Variants in RTTN observed in about 807,000 individuals in gnomAD.
RTTN encodes the protein rotatin.
RTTN carries 182 observed loss-of-function variants against 269.2 expected under a neutral mutation model. The observed-to-expected ratio is 0.68, with a 90% CI of 0.60 to 0.76. The LOEUF (loss-of-function observed/expected upper bound fraction) is 0.76, where lower values mean the gene tolerates loss of function less well. RTTN is among the 30% of genes least tolerant of loss of function. RTTN has a pLI of 0.00. For synonymous variants in RTTN, 1,006 were observed against 963.5 expected (o/e 1.04, Z -0.82); for missense variants, 2,545 against 2,608.6 (o/e 0.98, Z 0.53).
At chr18:70,169,119 AT>A in intron 11 of RTTN, 52 bp from the exon 12 acceptor site, 1 of 1,374,706 alleles carries the variant, frequency 7.3e-7, no homozygotes, top group Non-Finnish European at 9.8e-7. Flanking sequence ...AAAAAAACTT[AT>A]TTTAGAGAAA....
intron 32 of RTTN, 101 bp from the exon 33 acceptor site, chr18:70,075,642 T>A (rs1336973050): frequency 1.2e-6 from 1 of 851,720 alleles, no homozygotes; most frequent in Non-Finnish European, 1.7e-6. Context: ...GGGTCCCAGA[T>A]GCTCCCATCT....
Position 70,059,830 on chromosome 18 carries a change from T to C in RTTN, c.4940+20A>G. 1 of 1,527,732 alleles carries C rather than the reference T, an allele frequency of 6.5e-7. No individual in the cohort carries two copies. The highest frequency in any genetic ancestry group is 8.9e-7 in the Non-Finnish European group (1 of 1,126,466). The allele number at this position is 1,527,732 out of a possible 1,614,324, so 94.6% of individuals were successfully genotyped here. Reference sequence around the variant, plus strand: ...ATTTATCTCAACTAACATGCCTCTCTAGGAGTATTTATCTCTTACCTACAG... The same window carrying C: ...ATTTATCTCAACTAACATGCCTCTCCAGGAGTATTTATCTCTTACCTACAG... On this transcript the variant is annotated intron_variant, in intron 36 of 48. Coordinates refer to ENST00000640769, the MANE Select transcript of RTTN (RefSeq NM_173630.4).
intron 44 of RTTN, among the ~76,000 whole-genome samples, chr18:70,022,966 G>A (rs923481081): frequency 2.6e-5 from 4 of 152,096 alleles, no homozygotes; most frequent in Non-Finnish European, 5.9e-5. Flanking sequence ...ACATGACAAT[G>A]ACTCCTGTGG....
At chr18:70,071,523 T>C (rs2058295061) in intron 34 of RTTN, among the ~76,000 whole-genome samples, 2 of 152,064 alleles carry the variant, frequency 1.3e-5, no homozygotes, top group South Asian at 4.1e-4. Flanking sequence ...TAAACGTGAT[T>C]TCGAGAAGAA....
intron 40 of RTTN, among the ~76,000 whole-genome samples, chr18:70,041,930 C>A (rs976376633): frequency 2.6e-5 from 4 of 151,972 alleles, no homozygotes; most frequent in African/African-American, 7.3e-5. Context: ...TACAAAATAA[C>A]CCCCATTGGT....
intron 16 of RTTN, among the ~76,000 whole-genome samples, chr18:70,149,549 A>AG: frequency 6.6e-6 from 1 of 151,664 alleles, no homozygotes; most frequent in East Asian, 1.9e-4. Flanking sequence ...TTTAAAAAAA[A>AG]AAAAAAAAGC....
In RTTN at chr18:70,134,542, C is replaced by T. The variant is rs764126513; in HGVS notation, c.2886-1G>A. On this transcript the variant is annotated splice_acceptor_variant, in intron 22 of 48. Coordinates refer to ENST00000640769, the MANE Select transcript of RTTN (RefSeq NM_173630.4). LOFTEE classifies it high-confidence loss of function. The stretch of plus-strand genomic sequence containing the variant: ...AGGTTTATTGGAAGGATTAACAGAC[C>T]TATTTCATAAAAGAAAAACAAAAAC... 1.9e-6 allele frequency: 3 copies of T among 1,598,250 alleles called. No homozygotes were observed. In the South Asian group the frequency reaches 3.4e-5, roughly 18 times the overall value.
At chr18:70,085,741 C>G (rs1480397964) in intron 32 of RTTN, among the ~76,000 whole-genome samples, 1 of 152,056 alleles carries the variant, frequency 6.6e-6, no homozygotes, top group Non-Finnish European at 1.5e-5. Flanking sequence ...TCAAATATTG[C>G]GTGTTCTCAC....
Position 70,128,512 on chromosome 18 carries a change from C to T in RTTN, c.2989G>A (p.Ala997Thr). The T allele has an allele frequency of 6.2e-7, 1 of 1,612,996 alleles. No individual in the cohort carries two copies. The highest frequency in any genetic ancestry group is 1.1e-5 in the South Asian group (1 of 91,050). Residue 997 changes from alanine (A) to threonine (T), a missense_variant, in exon 24 of 49, where the codon GCT (alanine) becomes ACT (threonine). By Grantham distance (58) the Ala-to-Thr change is moderately conservative. Coordinates refer to ENST00000640769, the MANE Select transcript of RTTN (RefSeq NM_173630.4). Reference protein sequence around the residue: ...HLPVHVIGHHAVSPYSIVLPL... With the variant: ...HLPVHVIGHHTVSPYSIVLPL... ...AAAACTATGGAGTAAGGACTCACAG[C>T]ATGGTGTCCAATTACATGAACAGGT...
At chr18:70,159,334 T>A (rs903605313) in intron 14 of RTTN, among the ~76,000 whole-genome samples, 1 of 152,224 alleles carries the variant, frequency 6.6e-6, no homozygotes, top group Admixed American at 6.5e-5. Flanking sequence ...TGCACCTGAA[T>A]GACTTTTGAG....
At chr18:70,088,411 CCT>C in intron 30 of RTTN, among the ~76,000 whole-genome samples, 1 of 152,198 alleles carries the variant, frequency 6.6e-6, no homozygotes, top group East Asian at 1.9e-4. Context: ...AGTTTGCAAG[CCT>C]TTTTCTAAGG....
At chr18:70,156,301 C>T (rs187798936) in intron 14 of RTTN, among the ~76,000 whole-genome samples, 75 of 152,152 alleles carry the variant, frequency 4.9e-4, no homozygotes, top group Non-Finnish European at 8.7e-4. Context: ...CTTCTATGGT[C>T]GAGACTGTAG....
At chr18:70,133,728 G>A (rs533878840) in intron 23 of RTTN, among the ~76,000 whole-genome samples, 1 of 152,198 alleles carries the variant, frequency 6.6e-6, no homozygotes, top group East Asian at 1.9e-4. Flanking sequence ...TAATGAGAAA[G>A]CACAAAAAGG....
At chr18:70,088,692 C>T (rs2058764525) in intron 30 of RTTN, among the ~76,000 whole-genome samples, 1 of 152,164 alleles carries the variant, frequency 6.6e-6, no homozygotes, top group Non-Finnish European at 1.5e-5. Flanking sequence ...GTTCAAGCCA[C>T]ACGTTTTGGT....
Position 70,051,422 on chromosome 18 carries a change from G to A in RTTN, c.5312C>T (p.Thr1771Ile). 1 of 1,612,198 alleles carries A rather than the reference G, an allele frequency of 6.2e-7. No homozygotes were observed. The highest frequency in any genetic ancestry group is 8.5e-7 in the Non-Finnish European group (1 of 1,179,488). Residue 1771 changes from threonine to isoleucine, a missense_variant, in exon 39 of 49, where the codon ACA becomes ATA. Physicochemically the swap from Thr to Ile is moderately conservative, Grantham distance 89. Coordinates refer to ENST00000640769, the MANE Select transcript of RTTN (RefSeq NM_173630.4). ...FVTVALAKHW[T>I]AAIDMFCTCA... ...AAGTATCTTCTTACCAATCGCCGCT[G>A]TCCAGTGCTTGGCCAGGGCCACGGT...
At chr18:70,183,247 T>C (rs1278931563) in intron 10 of RTTN, among the ~76,000 whole-genome samples, 1 of 152,138 alleles carries the variant, frequency 6.6e-6, no homozygotes, top group Admixed American at 6.5e-5. Context: ...CTTTAGGAGA[T>C]GAAGATGCCT....
At chr18:70,169,146 T>A in intron 11 of RTTN, 79 bp from the exon 12 acceptor site, 1 of 1,000,504 alleles carries the variant, frequency 1.0e-6, no homozygotes, top group Non-Finnish European at 1.4e-6. Context: ...TGGGCTATAG[T>A]CTTAATCTAA....
intron 11 of RTTN, among the ~76,000 whole-genome samples, chr18:70,176,233 GTAT>G (rs1187295403): frequency 2.2e-4 from 33 of 151,468 alleles, no homozygotes; most frequent in Non-Finnish European, 3.7e-4. Flanking sequence ...ATATGTATAT[GTAT>G]ATGTATATGT....
chr18:70,056,950 A>G lies in RTTN; in HGVS notation c.5031+792T>C, dbSNP rs523924. Among the ~76,000 whole-genome samples, 906 of 152,340 alleles carry G rather than the reference A, an allele frequency of 5.9e-3. 5 individuals are homozygous for G. The highest frequency in any genetic ancestry group is 0.021 in the African/African-American group (869 of 41,578). ...GATTCAGGCACACAGCAAGTACTCA[A>G]CAAAGATTTGCTGGATGGAGAGCAG... On this transcript the variant is annotated intron_variant, in intron 37 of 48. Coordinates refer to ENST00000640769, the MANE Select transcript of RTTN (RefSeq NM_173630.4).
Sources: gnomAD v4.1 joint callset for allele counts (sites outside exome capture counted in the v4.1 genomes callset) on GRCh38, gnomAD v4.1.1 for gene constraint, MANE v1.5 for transcripts, NCBI Gene and HGNC (gene_info 2026-07-23, HGNC 2026-07-21) for gene names.